MGAT4C: variants seen among roughly 807,000 people sequenced by gnomAD.
MGAT4C encodes the protein alpha-1,3-mannosyl-glycoprotein 4-beta-N-acetylglucosaminyltransferase C.
A neutral mutation model predicts 40.1 loss-of-function variants in MGAT4C; 19 were observed. The ratio of observed to expected loss-of-function variants is 0.47; its 90% confidence interval spans 0.33 to 0.70. The LOEUF (loss-of-function observed/expected upper bound fraction) is 0.70. Among genes scored for constraint, MGAT4C ranks in the 30% least tolerant of loss-of-function variants. The pLI, the probability that MGAT4C is intolerant of heterozygous loss-of-function variation, is 0.02. For missense variants in MGAT4C, 491 were observed against 563.2 expected (o/e 0.87, Z 1.30); for synonymous variants, 181 against 187.1 (o/e 0.97, Z 0.27).
At chr12:86,427,520 A>T (rs1048496700) in intron 3 of MGAT4C, among the ~76,000 whole-genome samples, 1 of 152,108 alleles carries the variant, frequency 6.6e-6, no homozygotes, top group Non-Finnish European at 1.5e-5. Flanking sequence ...ACACACACAG[A>T]CACACTCTAG....
At chr12:86,738,791 CT>C (rs1234573415) in intron 1 of MGAT4C, among the ~76,000 whole-genome samples, 1 of 151,054 alleles carries the variant, frequency 6.6e-6, no homozygotes, top group Non-Finnish European at 1.5e-5. Flanking sequence ...TTAATTAGGA[CT>C]TTGGGGTTGA....
At chr12:86,414,568 TGTAG>T (rs1748714618) in intron 3 of MGAT4C, among the ~76,000 whole-genome samples, 1 of 144,244 alleles carries the variant, frequency 6.9e-6, no homozygotes, top group South Asian at 2.3e-4. Flanking sequence ...ATTTCCTACC[TGTAG>T]GTGTTTTAAA....
intron 1 of MGAT4C, among the ~76,000 whole-genome samples, chr12:86,134,829 A>G (rs1300053316): frequency 6.6e-6 from 1 of 152,174 alleles, no homozygotes; most frequent in Non-Finnish European, 1.5e-5. Context: ...GGAGAGGGAC[A>G]GAATGGCTAA....
intron 1 of MGAT4C, among the ~76,000 whole-genome samples, chr12:86,187,711 C>T (rs762366403): frequency 6.0e-5 from 9 of 150,670 alleles, no homozygotes; most frequent in Non-Finnish European, 3.0e-5. Context: ...AATGCTACTA[C>T]TTGGCTGTTA....
chr12:85,966,611 G>T lies in MGAT4C; in HGVS notation c.*12678C>A, dbSNP rs1883379567. ...AGACACATGCACACGTATGTTTATTGCGGCACTATTCACAATAGCAAAGAC... is the reference window on the plus strand; with the variant it reads ...AGACACATGCACACGTATGTTTATTTCGGCACTATTCACAATAGCAAAGAC... On this transcript the variant is annotated 3_prime_UTR_variant, in exon 5 of 5. Coordinates refer to ENST00000611864, the MANE Select transcript of MGAT4C (RefSeq NM_001351288.2). 1 of 152,014 alleles carries T rather than the reference G, an allele frequency of 6.6e-6. No homozygotes were observed. Among genetic ancestry groups the T allele is most frequent in the South Asian group, 2.1e-4 (1 of 4,816 alleles). The allele number at this position is 152,014 out of a possible 1,614,324, so 9.4% of individuals were successfully genotyped here. A position where few individuals can be genotyped will look rare whatever the true frequency, so the allele number is the denominator to read the frequency against.
At chr12:86,185,969 C>T (rs1888712741) in intron 1 of MGAT4C, among the ~76,000 whole-genome samples, 1 of 152,084 alleles carries the variant, frequency 6.6e-6, no homozygotes. Context: ...GATAATCACT[C>T]AGTCTTGATA....
chr12:86,486,613 C>G (rs1958024586), intron 2 of MGAT4C, among the ~76,000 whole-genome samples: 1 of 152,016 alleles, frequency 6.6e-6, no homozygotes, highest in African/African-American at 2.4e-5. Context: ...TTTTAGACAC[C>G]CACACAATAA....
intron 4 of MGAT4C, among the ~76,000 whole-genome samples, chr12:86,288,290 G>A (rs901193696): frequency 6.6e-6 from 1 of 152,090 alleles, no homozygotes; most frequent in Admixed American, 6.6e-5. Flanking sequence ...CTCCCATTCT[G>A]TAGGTTGCCT....
chr12:86,092,258 A>T (rs1207307681), intron 1 of MGAT4C, among the ~76,000 whole-genome samples: 1 of 152,156 alleles, frequency 6.6e-6, no homozygotes, highest in Non-Finnish European at 1.5e-5. Context: ...GCCTTATAGC[A>T]TACTTCATTC....
intron 1 of MGAT4C, among the ~76,000 whole-genome samples, chr12:86,247,652 T>C (rs1342315506): frequency 6.6e-6 from 1 of 152,132 alleles, no homozygotes; most frequent in Admixed American, 6.5e-5. Flanking sequence ...GAAGTAAACA[T>C]GTGGAAAAGG....
intron 1 of MGAT4C, among the ~76,000 whole-genome samples, chr12:86,833,847 A>G (rs1952980168): frequency 6.6e-6 from 1 of 151,818 alleles, no homozygotes; most frequent in African/African-American, 2.4e-5. Flanking sequence ...GGGAACCAGT[A>G]GTTTCCTAGT....
At chr12:86,033,077 C>T (rs1036117030) in intron 2 of MGAT4C, among the ~76,000 whole-genome samples, 15 of 149,188 alleles carry the variant, frequency 1.0e-4, no homozygotes, top group African/African-American at 2.4e-4. Flanking sequence ...ATGGTTTTAG[C>T]TGTGCAGCAT....
chr12:86,445,601 C>T (rs1957319892), intron 2 of MGAT4C, among the ~76,000 whole-genome samples: 1 of 152,156 alleles, frequency 6.6e-6, no homozygotes, highest in African/African-American at 2.4e-5. Flanking sequence ...GATTGCTCGA[C>T]AGCTCTCTGC....
At chr12:86,179,039 A>G (rs937440645) in intron 1 of MGAT4C, among the ~76,000 whole-genome samples, 7 of 152,202 alleles carry the variant, frequency 4.6e-5, no homozygotes, top group African/African-American at 1.7e-4. Context: ...GTCTCCAGCC[A>G]AATGTCAACT....
chr12:86,508,435 C>T (rs1281104562), intron 2 of MGAT4C, among the ~76,000 whole-genome samples: 2 of 152,160 alleles, frequency 1.3e-5, no homozygotes, highest in African/African-American at 2.4e-5. Context: ...ATATGTGCCA[C>T]ATTTTCTTAA....
rs563613058 is a variant in MGAT4C at position 86,602,883 on chromosome 12, C to A, written c.-229+124326G>T. ...AGTATCTCAAACACCTGCCCATCTG[C>A]GTGTGTGTGTGTGTGTGTGTGTGTG... is the stretch of plus-strand genomic sequence containing the variant. On this transcript the variant is annotated intron_variant, in intron 2 of 7. Coordinates refer to the MGAT4C transcript ENST00000548651. Among the ~76,000 whole-genome samples the A allele has an allele frequency of 4.6e-3, 676 of 147,828 alleles. 4 individuals carry two copies. The highest frequency in any genetic ancestry group is 0.016 in the African/African-American group (651 of 40,280).
intron 1 of MGAT4C, among the ~76,000 whole-genome samples, chr12:86,123,946 G>T (rs1375106050): frequency 6.6e-6 from 1 of 151,988 alleles, no homozygotes; most frequent in African/African-American, 2.4e-5. Flanking sequence ...GAAAAAAATA[G>T]TCCCATTGTT....
At chr12:86,487,167 G>C (rs980798383) in intron 2 of MGAT4C, among the ~76,000 whole-genome samples, 1 of 152,072 alleles carries the variant, frequency 6.6e-6, no homozygotes, top group Admixed American at 6.6e-5. Flanking sequence ...GAGTCATTTG[G>C]TACCAGTGTT....
chr12:86,731,534 T>C (rs1950908050), intron 1 of MGAT4C, among the ~76,000 whole-genome samples: 1 of 152,142 alleles, frequency 6.6e-6, no homozygotes, highest in Non-Finnish European at 1.5e-5. Context: ...TTATTTTTTT[T>C]CAGTACCTTC....
Sources: gnomAD v4.1 joint callset for allele counts (sites outside exome capture counted in the v4.1 genomes callset) on GRCh38, gnomAD v4.1.1 for gene constraint, MANE v1.5 for transcripts, NCBI Gene and HGNC (gene_info 2026-07-23, HGNC 2026-07-21) for gene names.